Variants in RBFOX1 observed in about 807,000 individuals in gnomAD.
RBFOX1 encodes RNA binding fox-1 homolog 1, also known as RNA binding protein fox-1 homolog 1.
RBFOX1 carries 8 observed loss-of-function variants against 57.7 expected under a neutral mutation model. The ratio of observed to expected loss-of-function variants is 0.14; its 90% CI spans 0.08 to 0.25. RBFOX1 has a LOEUF of 0.25. Among genes scored for constraint, RBFOX1 ranks in the 10% least tolerant of loss-of-function variants. RBFOX1 has a pLI of 1.00. For missense variants in RBFOX1, 611 were observed against 548.5 expected (o/e 1.11, Z -1.14); for synonymous variants, 326 against 222.4 (o/e 1.47, Z -4.15).
In RBFOX1 at chr16:6,691,277, C is replaced by T. The variant is rs75063150; in HGVS notation, c.-16+36627C>T. ...TCTATACAGAGCATCTCGATGTGTG[C>T]GTGCTGCAGAGGTAGGGGGTGGCAG... On this transcript the variant is annotated intron_variant, in intron 3 of 15. Coordinates refer to ENST00000550418, the MANE Select transcript of RBFOX1 (RefSeq NM_018723.4). Among the ~76,000 whole-genome samples the T allele has an allele frequency of 2.7e-3, 405 of 152,162 alleles. 4 individuals carry two copies. The highest frequency in any genetic ancestry group is 9.1e-3 in the African/African-American group (379 of 41,512).
chr16:6,532,471 T>G (rs2096672278), intron 2 of RBFOX1, among the ~76,000 whole-genome samples: 1 of 152,202 alleles, frequency 6.6e-6, no homozygotes, highest in Non-Finnish European at 1.5e-5. Flanking sequence ...CTCCAGTTAC[T>G]TTCTGCTTTA....
chr16:5,803,326 C>T (rs1298889803), intron 3 of RBFOX1, among the ~76,000 whole-genome samples: 1 of 152,132 alleles, frequency 6.6e-6, no homozygotes, highest in African/African-American at 2.4e-5. Flanking sequence ...CCTCTTTGTA[C>T]TGGCTTTGGG....
At chr16:7,083,678 C>G (rs1202105337) in intron 4 of RBFOX1, among the ~76,000 whole-genome samples, 1 of 152,168 alleles carries the variant, frequency 6.6e-6, no homozygotes, top group South Asian at 2.1e-4. Context: ...TTATCCCTAT[C>G]AGGCAAAATG....
chr16:6,192,382 T>C (rs1025596953), intron 1 of RBFOX1, among the ~76,000 whole-genome samples: 1 of 152,122 alleles, frequency 6.6e-6, no homozygotes, highest in Non-Finnish European at 1.5e-5. Context: ...AGATGAATAA[T>C]GTCATTCTTA....
intron 2 of RBFOX1, among the ~76,000 whole-genome samples, chr16:5,587,259 A>T (rs1482761562): frequency 6.6e-6 from 1 of 152,236 alleles, no homozygotes; most frequent in East Asian, 1.9e-4. Context: ...TCAATTAAAA[A>T]ATGGGCAAAG....
At chr16:7,376,617 C>T (rs1420716459) in intron 4 of RBFOX1, among the ~76,000 whole-genome samples, 1 of 152,174 alleles carries the variant, frequency 6.6e-6, no homozygotes, top group Non-Finnish European at 1.5e-5. Flanking sequence ...TAATTAATTA[C>T]AACTGTAATT....
chr16:6,563,797 G>C (rs1472283934), intron 2 of RBFOX1, among the ~76,000 whole-genome samples: 4 of 151,894 alleles, frequency 2.6e-5, no homozygotes, highest in African/African-American at 9.7e-5. Flanking sequence ...CTGCAATCCA[G>C]TCTAGGAGAC....
At chr16:6,614,534 C>G (rs1448370433) in intron 2 of RBFOX1, among the ~76,000 whole-genome samples, 5 of 152,174 alleles carry the variant, frequency 3.3e-5, no homozygotes, top group Admixed American at 6.5e-5. Flanking sequence ...AACTGAGTAT[C>G]ACAGACTGGA....
At chr16:6,570,026 C>T (rs929293715) in intron 2 of RBFOX1, among the ~76,000 whole-genome samples, 5 of 152,278 alleles carry the variant, frequency 3.3e-5, no homozygotes, top group Admixed American at 2.0e-4. Context: ...GTTTAGAGGA[C>T]GACCTTCAGT....
At chr16:7,609,400 G>T (rs1050709123) in intron 10 of RBFOX1, among the ~76,000 whole-genome samples, 3 of 152,164 alleles carry the variant, frequency 2.0e-5, no homozygotes, top group African/African-American at 4.8e-5. Context: ...AGACATATCT[G>T]TGGGTGTTGA....
chr16:7,213,331 C>T (rs553162733), intron 4 of RBFOX1, among the ~76,000 whole-genome samples: 2 of 152,228 alleles, frequency 1.3e-5, no homozygotes, highest in South Asian at 2.1e-4. Context: ...CAAGCCCAAA[C>T]CAATTAAAGA....
chr16:5,301,670 A>C (rs1316662434), intron 1 of RBFOX1, among the ~76,000 whole-genome samples: 1 of 151,596 alleles, frequency 6.6e-6, no homozygotes, highest in Non-Finnish European at 1.5e-5. Flanking sequence ...GCTTGGATAC[A>C]CAGAGCTCCA....
intron 6 of RBFOX1, among the ~76,000 whole-genome samples, chr16:7,582,709 ATCT>A (rs963901166): frequency 2.0e-5 from 3 of 152,326 alleles, no homozygotes; most frequent in African/African-American, 7.2e-5. Context: ...GACATGAGAC[ATCT>A]TCTTTCCTTT....
At chr16:6,826,345 C>G (rs112203109) in intron 3 of RBFOX1, among the ~76,000 whole-genome samples, 1 of 152,090 alleles carries the variant, frequency 6.6e-6, no homozygotes, top group African/African-American at 2.4e-5. Flanking sequence ...AGACCCCCTT[C>G]TTATTTACAG....
chr16:7,487,702 A>C (rs888305046), intron 4 of RBFOX1, among the ~76,000 whole-genome samples: 1 of 152,054 alleles, frequency 6.6e-6, no homozygotes. Context: ...CATGCATTCA[A>C]ACCTCTCCAT....
At chr16:6,672,164 A>C (rs1213929289) in intron 3 of RBFOX1, among the ~76,000 whole-genome samples, 2 of 152,218 alleles carry the variant, frequency 1.3e-5, no homozygotes, top group Non-Finnish European at 2.9e-5. Flanking sequence ...ATAGATACTT[A>C]TCTTTTATTT....
At chr16:6,548,944 C>T (rs903145015) in intron 2 of RBFOX1, among the ~76,000 whole-genome samples, 6 of 150,510 alleles carry the variant, frequency 4.0e-5, no homozygotes, top group Non-Finnish European at 5.9e-5. Flanking sequence ...GGCATGGTGG[C>T]GGCGCCTGTA....
At chr16:5,319,114 A>G (rs1324843209) in intron 1 of RBFOX1, among the ~76,000 whole-genome samples, 1 of 150,946 alleles carries the variant, frequency 6.6e-6, no homozygotes, top group African/African-American at 2.5e-5. Flanking sequence ...GCAACAGAGT[A>G]AGACTCTGTC....
intron 4 of RBFOX1, among the ~76,000 whole-genome samples, chr16:5,915,296 T>G (rs1462178606): frequency 6.6e-6 from 1 of 152,212 alleles, no homozygotes; most frequent in Non-Finnish European, 1.5e-5. Context: ...TCCACATGAT[T>G]TGAGTAGAGT....
Sources: allele counts gnomAD v4.1 joint callset (sites outside exome capture counted in the v4.1 genomes callset), GRCh38; gene constraint gnomAD v4.1.1; transcripts MANE v1.5; gene names NCBI Gene and HGNC (gene_info 2026-07-23, HGNC 2026-07-21).